Variants in KRT20 observed in about 807,000 individuals in gnomAD.
The protein encoded by KRT20 is keratin, type I cytoskeletal 20.
KRT20 carries 41 observed loss-of-function variants against 43.0 expected under a neutral mutation model. That is an observed-to-expected ratio of 0.95 (90% CI 0.74 to 1.24). KRT20 has a LOEUF of 1.24. KRT20 is among the 50% of genes most tolerant of loss of function. KRT20 has a pLI of 0.00. For missense variants in KRT20, 533 were observed against 521.2 expected, an observed-to-expected ratio of 1.02 and a Z score of -0.22; for synonymous variants, 207 against 200.6, an observed-to-expected ratio of 1.03 and a Z score of -0.27.
At chr17:40,879,157 G>A (rs1907477329) in intron 5 of KRT20, among the ~76,000 whole-genome samples, 1 of 152,164 alleles carries the variant, frequency 6.6e-6, no homozygotes, top group Non-Finnish European at 1.5e-5. Flanking sequence ...CATGTCCTAG[G>A]TAGGGCCTAC....
intron 1 of KRT20, among the ~76,000 whole-genome samples, chr17:40,883,741 C>T (rs1044234488): frequency 2.6e-5 from 4 of 152,206 alleles, no homozygotes; most frequent in Non-Finnish European, 4.4e-5. Context: ...TCAGATGAAC[C>T]AAACTAGAGT....
In KRT20 at chr17:40,885,153, G is replaced by A. The variant is rs1202978535; in HGVS notation, c.33C>T (p.Ser11=). The change falls in exon 1 of 8, where the codon AGC becomes AGT. Residue 11 remains serine, a synonymous_variant. Transcript: ENST00000167588. The part of the protein sequence containing the change: MDFSRRSFHR[S]LSSSLQAPVV... ...CAGGGGCCTGCAAGGAGGAGCTCAG[G>A]CTTCTGTGGAAGCTTCTGCGACTGA... 1 of 1,608,108 alleles carries A rather than the reference G, an allele frequency of 6.2e-7. No homozygotes were observed. Among genetic ancestry groups the A allele is most frequent in the South Asian group, 1.1e-5 (1 of 90,896 alleles).
Position 40,876,379 on chromosome 17 carries a change from C to T in KRT20, c.1257G>A (p.Glu419=). 6.2e-7 allele frequency: 1 copy of T among 1,610,866 alleles called. No homozygotes were observed. The highest frequency in any genetic ancestry group is 8.5e-7 in the Non-Finnish European group (1 of 1,177,152). ...TAGCTATTTAGATATTTTCTTCCAC[C>T]TCTTTGACTTCAGATGACACGACCT... ...DGKVVSSEVK[E]VEENI Residue 419 remains glutamate, a synonymous_variant, in exon 8 of 8, where the codon GAG becomes GAA. Transcript: ENST00000167588.
In KRT20 at chr17:40,884,999, C is replaced by T. The variant is rs1264655750; in HGVS notation, c.187G>A (p.Gly63Arg). Residue 63 changes from glycine to arginine, a missense_variant, in exon 1 of 8, where the codon GGG becomes AGG. Coordinates refer to ENST00000167588, the MANE Select transcript of KRT20 (RefSeq NM_019010.3). ...VNYGSDLTGG[G>R]DLFVGNEKMA... ...TTCTCATTGCCAACAAACAGGTCCC[C>T]GCCGCCTGTGAGATCGCTCCCATAG... 6 of 1,614,070 alleles carry T rather than the reference C, an allele frequency of 3.7e-6. No individual in the cohort carries two copies. The highest frequency in any genetic ancestry group is 4.5e-5 in the East Asian group (2 of 44,892).
In KRT20 at chr17:40,880,357, T is replaced by C. The variant is rs116158057; in HGVS notation, c.631-96A>G. 5.7e-3 allele frequency: 6,643 copies of C among 1,170,266 alleles called. 73 individuals carry two copies. The highest frequency in any genetic ancestry group is 0.04 in the African/African-American group (2,626 of 64,938). 72.5% of individuals were successfully genotyped at this position (1,170,266 alleles called of 1,614,324 possible). ...ATAAGGAGTCTCATGACCTCTTTCATTGGGAATAAGTAAAAAAGATATAAA... is the reference window on the plus strand; with the variant it reads ...ATAAGGAGTCTCATGACCTCTTTCACTGGGAATAAGTAAAAAAGATATAAA... On this transcript the variant is annotated intron_variant, in intron 3 of 7. Coordinates refer to ENST00000167588, the MANE Select transcript of KRT20 (RefSeq NM_019010.3).
At chr17:40,878,665 C>T (rs1206031518) in intron 5 of KRT20, among the ~76,000 whole-genome samples, 2 of 152,144 alleles carry the variant, frequency 1.3e-5, no homozygotes, top group African/African-American at 4.8e-5. Flanking sequence ...ACCTCTCACT[C>T]CTTCATCAGA....
chr17:40,885,146 A>C lies in KRT20; in HGVS notation c.40T>G (p.Ser14Ala). ...SRRSFHRSLS[S>A]SLQAPVVSTV... ...CTGACTACAGGGGCCTGCAAGGAGG[A>C]GCTCAGGCTTCTGTGGAAGCTTCTG... is the stretch of plus-strand genomic sequence containing the variant. Residue 14 changes from serine (S) to alanine (A), a missense_variant, in exon 1 of 8, where the codon TCC becomes GCC. Transcript: ENST00000167588. The C allele has an allele frequency of 6.2e-7, 1 of 1,609,558 alleles. No homozygotes were observed. The highest frequency in any genetic ancestry group is 8.5e-7 in the Non-Finnish European group (1 of 1,177,836).
At chr17:40,882,466 T>C (rs1311120913) in intron 2 of KRT20, 106 bp downstream of exon 2, 4 of 453,758 alleles carry the variant, frequency 8.8e-6, no homozygotes, top group Non-Finnish European at 1.6e-5. Context: ...TTCTGGACAT[T>C]GAACCGTGCT....
chr17:40,881,749 T>C (rs925357137), intron 2 of KRT20, among the ~76,000 whole-genome samples: 2 of 152,208 alleles, frequency 1.3e-5, no homozygotes, highest in Non-Finnish European at 2.9e-5. Flanking sequence ...TAATGCATTG[T>C]ACAAATTCAG....
chr17:40,878,387 G>A (rs769431408), intron 5 of KRT20, 22 bp from the exon 6 acceptor site: 4 of 1,568,884 alleles, frequency 2.5e-6, no homozygotes, highest in Non-Finnish European at 3.5e-6. Flanking sequence ...AGAAAAATAG[G>A]GCACTTCTTA....
intron 2 of KRT20, among the ~76,000 whole-genome samples, chr17:40,881,533 G>A (rs887411001): frequency 5.3e-5 from 8 of 151,930 alleles, no homozygotes; most frequent in South Asian, 2.1e-4. Flanking sequence ...GATTACAGGC[G>A]TTAGCCATCA....
chr17:40,882,711 T>C, intron 1 of KRT20, 57 bp from the exon 2 acceptor site: 1 of 632,190 alleles, frequency 1.6e-6, no homozygotes, highest in Non-Finnish European at 2.2e-6. Flanking sequence ...ATTTATTTAT[T>C]TATTTATTTA....
At chr17:40,879,764 C>G in intron 5 of KRT20, 49 bp downstream of exon 5, 1 of 1,605,058 alleles carries the variant, frequency 6.2e-7, no homozygotes, top group Non-Finnish European at 8.5e-7. Context: ...AACAGAGGAC[C>G]TTGGTAAACA....
chr17:40,880,475 C>G, intron 3 of KRT20, 139 bp downstream of exon 3: 4 of 822,484 alleles, frequency 4.9e-6, no homozygotes, highest in Non-Finnish European at 7.5e-6. Context: ...GGGCTTGTAT[C>G]ATTATTGTCA....
intron 6 of KRT20, 111 bp downstream of exon 6, chr17:40,878,034 A>T: frequency 1.1e-6 from 1 of 916,724 alleles, no homozygotes; most frequent in Non-Finnish European, 1.7e-6. Flanking sequence ...GTGTGAGTAT[A>T]ATTGCTTCTG....
rs190914942 is a variant in KRT20, at chr17:40,876,566, A to G, written c.1178-108T>C. On this transcript the variant is annotated intron_variant, in intron 7 of 7. Coordinates refer to ENST00000167588, the MANE Select transcript of KRT20 (RefSeq NM_019010.3). Reference sequence around the variant, plus strand: ...TTTTACTTATTTCCTTCTTTTAGAAAAATATGTTAAACCCATCCTCTTTCT... The same window carrying G: ...TTTTACTTATTTCCTTCTTTTAGAAGAATATGTTAAACCCATCCTCTTTCT... 470 of 639,088 alleles carry G rather than the reference A, an allele frequency of 7.4e-4. 2 individuals are homozygous for G. The African/African-American group carries it at 8.0e-3, about 11-fold the overall frequency. The allele number at this position is 639,088 out of a possible 1,614,324, so 39.6% of individuals were successfully genotyped here. A position where few individuals can be genotyped will look rare whatever the true frequency, so the allele number is the denominator to read the frequency against.
intron 7 of KRT20, among the ~76,000 whole-genome samples, chr17:40,876,769 A>G (rs950841197): frequency 6.6e-6 from 1 of 152,190 alleles, no homozygotes; most frequent in African/African-American, 2.4e-5. Context: ...GCAATAGCAC[A>G]GGCCAAGAAA....
At chr17:40,879,684 G>A in intron 5 of KRT20, 129 bp downstream of exon 5, 1 of 984,046 alleles carries the variant, frequency 1.0e-6, no homozygotes, top group South Asian at 1.7e-5. Context: ...CAGTTGTTCG[G>A]CCTGTTTCCC....
Position 40,880,164 on chromosome 17 carries a change from C to A in KRT20, c.728G>T (p.Arg243Met), listed in dbSNP as rs1253646637. 2 of 1,614,124 alleles carry A rather than the reference C, an allele frequency of 1.2e-6. No individual in the cohort carries two copies. Among genetic ancestry groups the A allele is most frequent in the Non-Finnish European group, 1.7e-6 (2 of 1,180,022 alleles). The stretch of plus-strand genomic sequence containing the variant: ...CTGGGCCATGACTTCATACTTCTGC[C>A]TCATTTCATTCATGATGACGCCAAG... ...LNLGVIMNEM[R>M]QKYEVMAQKN... is the part of the protein sequence containing the mutation. The change falls in exon 4 of 8, where the codon AGG (arginine) becomes ATG (methionine). Residue 243 changes from arginine to methionine, a missense_variant. Transcript: ENST00000167588.
Sources: allele counts gnomAD v4.1 joint callset (sites outside exome capture counted in the v4.1 genomes callset), GRCh38; gene constraint gnomAD v4.1.1; transcripts MANE v1.5; gene names NCBI Gene and HGNC (gene_info 2026-07-23, HGNC 2026-07-21).